CTNNA2: variants seen among roughly 807,000 people sequenced by gnomAD.
CTNNA2 encodes catenin alpha-2.
CTNNA2 carries 42 observed loss-of-function variants against 101.0 expected under a neutral mutation model. The ratio of observed to expected loss-of-function variants is 0.42; its 90% CI spans 0.32 to 0.54. The LOEUF (loss-of-function observed/expected upper bound fraction) is 0.54. CTNNA2 is among the 20% of genes least tolerant of loss of function. CTNNA2 has a pLI of 0.14. For synonymous variants in CTNNA2, 450 were observed against 456.4 expected (o/e 0.99, Z 0.18); for missense variants, 871 against 1,223.1 (o/e 0.71, Z 4.29).
At chr2:80,284,093 A>G (rs1203768451) in intron 7 of CTNNA2, among the ~76,000 whole-genome samples, 1 of 152,162 alleles carries the variant, frequency 6.6e-6, no homozygotes, top group Admixed American at 6.6e-5. Context: ...AGCAAGAAGC[A>G]TTATACATTT....
chr2:80,196,918 C>T (rs921471350), intron 7 of CTNNA2, among the ~76,000 whole-genome samples: 3 of 152,152 alleles, frequency 2.0e-5, no homozygotes, highest in African/African-American at 7.2e-5. Context: ...TTGCCTGTGC[C>T]CAATCCTCCA....
intron 2 of CTNNA2, among the ~76,000 whole-genome samples, chr2:79,253,962 A>C (rs1273313699): frequency 1.3e-5 from 2 of 152,170 alleles, no homozygotes; most frequent in Non-Finnish European, 2.9e-5. Context: ...ACCAAGATAC[A>C]GAAGTTTTGG....
intron 7 of CTNNA2, among the ~76,000 whole-genome samples, chr2:80,283,119 A>G (rs1674511765): frequency 6.6e-6 from 1 of 152,168 alleles, no homozygotes; most frequent in African/African-American, 2.4e-5. Flanking sequence ...GTAATTCTTT[A>G]GGACAAATAA....
intron 1 of CTNNA2, among the ~76,000 whole-genome samples, chr2:79,570,434 T>C (rs1675393162): frequency 6.6e-6 from 1 of 152,172 alleles, no homozygotes; most frequent in Admixed American, 6.6e-5. Context: ...GAAAAGAATT[T>C]CTTCCAAATG....
At chr2:80,592,016 T>A (rs1267811249) in intron 15 of CTNNA2, among the ~76,000 whole-genome samples, 1 of 152,154 alleles carries the variant, frequency 6.6e-6, no homozygotes, top group African/African-American at 2.4e-5. Flanking sequence ...AAATCGCATG[T>A]TGCTAGTCTT....
At chr2:79,939,544 C>A (rs1688005993) in intron 7 of CTNNA2, among the ~76,000 whole-genome samples, 1 of 152,078 alleles carries the variant, frequency 6.6e-6, no homozygotes, top group Non-Finnish European at 1.5e-5. Context: ...TCCCAAAATG[C>A]TGTTTCCTTT....
rs192899448 is a variant in CTNNA2 at position 80,633,209 on chromosome 2, T to C, written c.2574+13981T>C. Among the ~76,000 whole-genome samples the C allele has an allele frequency of 1.8e-3, 275 of 152,190 alleles. 2 individuals carry two copies. Among genetic ancestry groups the C allele is most frequent in the African/African-American group, 6.4e-3 (268 of 41,572 alleles). ...TGCTGCATGACACATTAAAAGATTA[T>C]GTTTTAAAAGTTTTTAAATTTTTTG... On this transcript the variant is annotated intron_variant, in intron 18 of 18. Transcript: ENST00000402739.
At chr2:79,906,926 A>C (rs1243348737) in intron 6 of CTNNA2, among the ~76,000 whole-genome samples, 3 of 152,204 alleles carry the variant, frequency 2.0e-5, no homozygotes, top group African/African-American at 7.2e-5. Context: ...TCATCAAAAC[A>C]TTATATCTCT....
At chr2:79,306,704 T>A (rs1401309471) in intron 2 of CTNNA2, among the ~76,000 whole-genome samples, 1 of 152,222 alleles carries the variant, frequency 6.6e-6, no homozygotes, top group Non-Finnish European at 1.5e-5. Flanking sequence ...TTAATTTTAT[T>A]ACATACTTCC....
At chr2:79,972,160 T>A (rs1238993837) in intron 7 of CTNNA2, among the ~76,000 whole-genome samples, 1 of 152,170 alleles carries the variant, frequency 6.6e-6, no homozygotes, top group African/African-American at 2.4e-5. Context: ...GGTTCAAAGT[T>A]AAGAGTCTGC....
At chr2:79,913,129 T>C (rs902530761) in intron 7 of CTNNA2, among the ~76,000 whole-genome samples, 2 of 152,276 alleles carry the variant, frequency 1.3e-5, no homozygotes, top group South Asian at 2.1e-4. Flanking sequence ...CTAAGTGATA[T>C]GAGCAAGAGT....
At chr2:79,478,688 C>A (rs749049370) in intron 4 of CTNNA2, among the ~76,000 whole-genome samples, 1 of 152,164 alleles carries the variant, frequency 6.6e-6, no homozygotes, top group Non-Finnish European at 1.5e-5. Context: ...TTAATTCATA[C>A]CTCTTACTAA....
In CTNNA2 at chr2:79,794,546, T is replaced by TTTTC. The variant is rs1170302436; in HGVS notation, c.298+49976_298+49979dup. Among the ~76,000 whole-genome samples the TTTTC allele has an allele frequency of 9.9e-5, 15 of 152,136 alleles. No homozygotes were observed. The East Asian group carries it at 1.5e-3, about 16-fold the overall frequency. On this transcript the variant is annotated intron_variant, in intron 3 of 18. Transcript: ENST00000402739. The stretch of plus-strand genomic sequence containing the variant: ...CACCTTCCAAAGTTTCCTCCCTGCC[T>TTTTC]TTTCTTTCTTTCTTTATTTATTTTG...
rs747165881 is a variant in CTNNA2, at chr2:80,302,751, C to G, written c.1057-90460C>G. On this transcript the variant is annotated intron_variant, in intron 7 of 18. Transcript: ENST00000402739. This position sits in a 1 kb window ranked among gnomAD's most constrained non-coding sequence, Gnocchi z 6.4. ...TCCTCGCACAGGTGGAAGGCGTACACGGCGTCCAGGACGTCCTCGCCCTGT... is the reference window on the plus strand; with the variant it reads ...TCCTCGCACAGGTGGAAGGCGTACAGGGCGTCCAGGACGTCCTCGCCCTGT... 1 of 1,613,086 alleles carries G rather than the reference C, an allele frequency of 6.2e-7. No individual in the cohort carries two copies.
chr2:79,188,403 G>A (rs1673810239), intron 1 of CTNNA2, among the ~76,000 whole-genome samples: 1 of 152,162 alleles, frequency 6.6e-6, no homozygotes, highest in African/African-American at 2.4e-5. Flanking sequence ...CTTCATGGTA[G>A]GAAGAGGCAG....
intron 3 of CTNNA2, among the ~76,000 whole-genome samples, chr2:79,796,578 A>G (rs1281215153): frequency 6.6e-6 from 1 of 152,204 alleles, no homozygotes; most frequent in East Asian, 1.9e-4. Context: ...TTAAGGACAC[A>G]TGGAGGCAGG....
At chr2:79,744,603 G>A (rs1671509015) in intron 3 of CTNNA2, 21 bp downstream of exon 3, 11 of 1,607,884 alleles carry the variant, frequency 6.8e-6, no homozygotes, top group Non-Finnish European at 9.4e-6. Context: ...TGATATTATT[G>A]TTCAAGGCGG....
intron 7 of CTNNA2, among the ~76,000 whole-genome samples, chr2:79,922,748 A>T (rs756692457): frequency 7.9e-5 from 12 of 151,636 alleles, no homozygotes; most frequent in Admixed American, 5.9e-4. Context: ...AATGAGTAGC[A>T]TGCTATCTTC....
At chr2:80,063,649 G>C (rs1697765968) in intron 7 of CTNNA2, among the ~76,000 whole-genome samples, 1 of 152,332 alleles carries the variant, frequency 6.6e-6, no homozygotes, top group African/African-American at 2.4e-5. Flanking sequence ...AAACTTTTCT[G>C]ATACTCCTTA....
Sources: gnomAD v4.1 joint callset for allele counts (sites outside exome capture counted in the v4.1 genomes callset) on GRCh38, gnomAD v4.1.1 for gene constraint, Gnocchi (gnomAD v3.1) non-coding constraint, MANE v1.5 for transcripts, NCBI Gene and HGNC (gene_info 2026-07-23, HGNC 2026-07-21) for gene names.